JARID2: variants seen among roughly 807,000 people sequenced by gnomAD.
JARID2 encodes the protein jumonji and AT-rich interaction domain containing 2.
A neutral mutation model predicts 125.6 loss-of-function variants in JARID2; 21 were observed. The ratio of observed to expected loss-of-function variants is 0.17; its 90% CI spans 0.12 to 0.24. JARID2 has a LOEUF of 0.24. JARID2 is among the 10% of genes least tolerant of loss of function. The pLI, the probability that JARID2 is intolerant of heterozygous loss-of-function variation, is 1.00. For missense variants in JARID2, 1,303 were observed against 1,639.6 expected, an observed-to-expected ratio of 0.79 and a Z score of 3.55; for synonymous variants, 736 against 661.6, an observed-to-expected ratio of 1.11 and a Z score of -1.73.
intron 1 of JARID2, among the ~76,000 whole-genome samples, chr6:15,325,425 C>T (rs933504122): frequency 6.6e-6 from 1 of 152,124 alleles, no homozygotes; most frequent in East Asian, 1.9e-4. Flanking sequence ...TAGGGATCAG[C>T]GGTCTAGAAG....
At chr6:15,437,761 G>A (rs994388318) in intron 3 of JARID2, among the ~76,000 whole-genome samples, 8 of 151,682 alleles carry the variant, frequency 5.3e-5, no homozygotes, top group Admixed American at 1.3e-4. Flanking sequence ...CTGAGATCAC[G>A]CCACTGGACT....
At chr6:15,414,357 C>G (rs1766035845) in intron 3 of JARID2, among the ~76,000 whole-genome samples, 2 of 152,086 alleles carry the variant, frequency 1.3e-5, no homozygotes, top group Non-Finnish European at 2.9e-5. Flanking sequence ...GCAGAAAACC[C>G]CCTGAGTCAG....
chr6:15,294,634 C>T (rs1331432797), intron 1 of JARID2, among the ~76,000 whole-genome samples: 1 of 152,138 alleles, frequency 6.6e-6, no homozygotes, highest in Non-Finnish European at 1.5e-5. Flanking sequence ...TACAGATTTG[C>T]TGGAGTGGGG....
At position 15,520,495 on chromosome 6, in the gene JARID2, A is replaced by G; in HGVS notation, c.*244A>G. Reference sequence around the variant, plus strand: ...ATAGTCACTGTTTTAAAAACCCCGGAGGGGCTGTATTAATTTGTATTGCCC... The same window carrying G: ...ATAGTCACTGTTTTAAAAACCCCGGGGGGGCTGTATTAATTTGTATTGCCC... On this transcript the variant is annotated 3_prime_UTR_variant, in exon 18 of 18. Transcript: ENST00000341776. The G allele has an allele frequency of 2.5e-6, 1 of 395,328 alleles. No individual in the cohort carries two copies. Among genetic ancestry groups the G allele is most frequent in the Non-Finnish European group, 4.5e-6 (1 of 220,184 alleles). 24.5% of individuals were successfully genotyped at this position (395,328 alleles called of 1,614,324 possible).
At chr6:15,297,578 C>T (rs1561777777) in intron 1 of JARID2, among the ~76,000 whole-genome samples, 1 of 151,544 alleles carries the variant, frequency 6.6e-6, no homozygotes. Context: ...TGGCCTCAAG[C>T]AGTCCTCCTG....
intron 5 of JARID2, among the ~76,000 whole-genome samples, chr6:15,486,372 A>C (rs1020531490): frequency 6.6e-6 from 1 of 152,194 alleles, no homozygotes; most frequent in Non-Finnish European, 1.5e-5. Context: ...TCTCTGCCTC[A>C]TGGGTAGGAA....
At chr6:15,490,198 A>G (rs1173405059) in intron 6 of JARID2, among the ~76,000 whole-genome samples, 2 of 152,234 alleles carry the variant, frequency 1.3e-5, no homozygotes, top group African/African-American at 4.8e-5. Context: ...CATCTTTTCA[A>G]CTGCATGAAA....
intron 5 of JARID2, among the ~76,000 whole-genome samples, chr6:15,472,498 A>G (rs1249933702): frequency 6.6e-6 from 1 of 152,194 alleles, no homozygotes; most frequent in Non-Finnish European, 1.5e-5. Context: ...ATCTGTGATT[A>G]GGCCTGCCCC....
intron 8 of JARID2, among the ~76,000 whole-genome samples, chr6:15,503,481 T>C (rs181899772): frequency 6.6e-6 from 1 of 152,292 alleles, no homozygotes; most frequent in Admixed American, 6.5e-5. Context: ...CTATCACTTC[T>C]AGGGGGACGC....
intron 1 of JARID2, among the ~76,000 whole-genome samples, chr6:15,365,813 C>T (rs1763954937): frequency 6.6e-6 from 1 of 152,130 alleles, no homozygotes; most frequent in South Asian, 2.1e-4. Context: ...ACATCATTCA[C>T]AAGTTCAGTA....
At chr6:15,415,553 C>T (rs1216087727) in intron 3 of JARID2, among the ~76,000 whole-genome samples, 1 of 139,048 alleles carries the variant, frequency 7.2e-6, no homozygotes, top group Non-Finnish European at 1.5e-5. Flanking sequence ...CGGGCAGAGG[C>T]GCCCCTCACC....
intron 1 of JARID2, among the ~76,000 whole-genome samples, chr6:15,249,850 C>T (rs773815100): frequency 1.3e-5 from 2 of 152,160 alleles, no homozygotes; most frequent in African/African-American, 2.4e-5. Context: ...GTGTTGAGCA[C>T]GACTCCCACT....
At chr6:15,278,023 G>A (rs948744522) in intron 1 of JARID2, among the ~76,000 whole-genome samples, 6 of 152,022 alleles carry the variant, frequency 3.9e-5, no homozygotes, top group Non-Finnish European at 8.8e-5. Context: ...CGAGGTGGGT[G>A]GATCATTTCA....
chr6:15,476,516 T>A (rs886188595), intron 5 of JARID2, among the ~76,000 whole-genome samples: 20 of 152,258 alleles, frequency 1.3e-4, no homozygotes, highest in African/African-American at 4.8e-4. Context: ...TGTTTTGTTT[T>A]GCAAACATTA....
rs147857357 is a variant in JARID2 at position 15,422,327 on chromosome 6, G to T, written c.323+11962G>T. Among the ~76,000 whole-genome samples the T allele has an allele frequency of 2.0e-5, 3 of 152,312 alleles. No homozygotes were observed. In the East Asian group the frequency reaches 5.8e-4, roughly 29 times the overall value. ...GTGGCTCACATCACAGTGCTTGCTT[G>T]TGCATATTCACCTTTCCCATGGAAA... is the stretch of plus-strand genomic sequence containing the variant. On this transcript the variant is annotated intron_variant, in intron 3 of 17. Transcript: ENST00000341776.
At chr6:15,422,571 C>T (rs1187275220) in intron 3 of JARID2, among the ~76,000 whole-genome samples, 2 of 152,164 alleles carry the variant, frequency 1.3e-5, no homozygotes, top group Non-Finnish European at 2.9e-5. Context: ...CAGGTTCTTT[C>T]CCTGCAGCAA....
chr6:15,410,375 C>T lies in JARID2; in HGVS notation c.323+10C>T. The T allele has an allele frequency of 6.2e-7, 1 of 1,612,516 alleles. No homozygotes were observed. The highest frequency in any genetic ancestry group is 1.7e-5 in the Admixed American group (1 of 59,946). On this transcript the variant is annotated intron_variant, in intron 3 of 17. Coordinates refer to ENST00000341776, the MANE Select transcript of JARID2 (RefSeq NM_004973.4). Reference sequence around the variant, plus strand: ...GGCCGTCGAGGAAAAGGTTAGTACCCAAGGCTGAAAATATTGGTACCTTCA... The same window carrying T: ...GGCCGTCGAGGAAAAGGTTAGTACCTAAGGCTGAAAATATTGGTACCTTCA...
chr6:15,269,405 C>G (rs1050704799), intron 1 of JARID2, among the ~76,000 whole-genome samples: 1 of 152,100 alleles, frequency 6.6e-6, no homozygotes, highest in African/African-American at 2.4e-5. Context: ...GTTGCCCAGG[C>G]TGGCGTGTGG....
At chr6:15,318,884 A>G (rs781640397) in intron 1 of JARID2, among the ~76,000 whole-genome samples, 2 of 152,236 alleles carry the variant, frequency 1.3e-5, no homozygotes, top group African/African-American at 2.4e-5. Context: ...GGAGCCAGAC[A>G]GCCATAATGG....
Sources: gnomAD v4.1 joint callset for allele counts (sites outside exome capture counted in the v4.1 genomes callset) on GRCh38, gnomAD v4.1.1 for gene constraint, MANE v1.5 for transcripts, NCBI Gene and HGNC (gene_info 2026-07-23, HGNC 2026-07-21) for gene names.